PATJ: variants seen among roughly 807,000 people sequenced by gnomAD.
PATJ encodes the protein inaD-like protein.
Under a neutral mutation model 224.9 loss-of-function variants are expected in PATJ, and 190 were observed. That is an observed-to-expected ratio of 0.84 (90% confidence interval 0.75 to 0.95). The LOEUF is 0.95. Ranked by LOEUF, PATJ falls within the 40% of genes least tolerant of loss-of-function variation. The pLI is 0.00. For missense variants in PATJ, 2,121 were observed against 2,270.3 expected (o/e 0.93, Z 1.34); for synonymous variants, 769 against 820.3 (o/e 0.94, Z 1.07).
intron 39 of PATJ, among the ~76,000 whole-genome samples, chr1:62,125,253 AC>A (rs1207604582): frequency 0.037 from 3,772 of 101,290 alleles, 510 homozygotes; most frequent in African/African-American, 0.11. Context: ...AAAAAAAAAA[AC>A]AAAAAAAAAC....
chr1:61,844,486 A>G (rs2148851885), intron 17 of PATJ, among the ~76,000 whole-genome samples: 1 of 152,240 alleles, frequency 6.6e-6, no homozygotes, highest in South Asian at 2.1e-4. Context: ...TTCCCTTTCC[A>G]TGGCATCAAT....
chr1:61,775,177 T>C, intron 6 of PATJ, 29 bp from the exon 7 acceptor site: 1 of 1,598,742 alleles, frequency 6.3e-7, no homozygotes, highest in Non-Finnish European at 8.5e-7. Context: ...TTACTGATAC[T>C]GCGACTCTTA....
chr1:61,833,617 T>C (rs774984453), intron 16 of PATJ, 37 bp from the exon 17 acceptor site: 2 of 1,578,950 alleles, frequency 1.3e-6, no homozygotes, highest in East Asian at 2.3e-5. Context: ...ATTGAAAGCA[T>C]AGTGTTTTGA....
intron 20 of PATJ, among the ~76,000 whole-genome samples, chr1:61,871,555 ATATTTTTT>A (rs1298701288): frequency 6.5e-4 from 38 of 58,082 alleles, no homozygotes; most frequent in Admixed American, 2.4e-3. Flanking sequence ...ATATATATAT[ATATTTTTT>A]TTTTTTTTTT....
intron 33 of PATJ, among the ~76,000 whole-genome samples, chr1:62,087,391 G>T (rs547221943): frequency 2.2e-4 from 33 of 151,996 alleles, no homozygotes; most frequent in African/African-American, 7.5e-4. Flanking sequence ...GGGGCGGGGC[G>T]GGCCGTAGGT....
intron 27 of PATJ, among the ~76,000 whole-genome samples, chr1:61,986,760 A>G (rs1278847765): frequency 2.0e-5 from 3 of 152,186 alleles, no homozygotes; most frequent in Non-Finnish European, 4.4e-5. Flanking sequence ...TAAAGAGCCT[A>G]TCTTATTAAT....
chr1:62,127,059 A>C (rs1198998969), intron 39 of PATJ, among the ~76,000 whole-genome samples: 2 of 140,606 alleles, frequency 1.4e-5, no homozygotes, highest in Non-Finnish European at 2.9e-5. Context: ...TTATTCAGGA[A>C]TGGGAATATG....
intron 27 of PATJ, among the ~76,000 whole-genome samples, chr1:61,944,638 T>C (rs1180518617): frequency 2.6e-5 from 4 of 152,162 alleles, no homozygotes; most frequent in South Asian, 2.1e-4. Flanking sequence ...TGGAACCAAG[T>C]TGGAAAACAC....
At chr1:61,841,284 A>G (rs574283660) in intron 17 of PATJ, among the ~76,000 whole-genome samples, 19 of 152,192 alleles carry the variant, frequency 1.2e-4, no homozygotes, top group African/African-American at 4.3e-4. Context: ...TTACCAAGAG[A>G]TTTGAGAATT....
chr1:61,806,005 A>G (rs945551015), intron 13 of PATJ, among the ~76,000 whole-genome samples: 2 of 152,240 alleles, frequency 1.3e-5, no homozygotes, highest in Admixed American at 1.3e-4. Flanking sequence ...AAGAACAGGA[A>G]GTAATTTAGG....
chr1:61,931,745 C>T lies in PATJ; in HGVS notation c.3670+3916C>T, dbSNP rs1426391709. Among the ~76,000 whole-genome samples, 5 of 152,146 alleles carry T rather than the reference C, an allele frequency of 3.3e-5. No homozygotes were observed. The East Asian group carries it at 9.6e-4, about 29-fold the overall frequency. On this transcript the variant is annotated intron_variant, in intron 27 of 43. Coordinates refer to ENST00000642238, the MANE Select transcript of PATJ (RefSeq NM_001350145.3). ...TGCCACTGCACTCCAGGCTGAATGA[C>T]AGAGTGCGACTCTGTCTCAAAAATG...
In PATJ at chr1:62,133,579, G is replaced by A. The variant is rs371292010; in HGVS notation, c.5271+4634G>A. The stretch of plus-strand genomic sequence containing the variant: ...CTAGTCGAGAGTGAGACACCGTCTC[G>A]AGAAAAAAGAATAGAAAAGAACCAA... On this transcript the variant is annotated intron_variant, in intron 41 of 43. Coordinates refer to ENST00000642238, the MANE Select transcript of PATJ (RefSeq NM_001350145.3). Among the ~76,000 whole-genome samples the A allele has an allele frequency of 1.3e-3, 198 of 152,074 alleles. 1 individual carries two copies. The highest frequency in any genetic ancestry group is 4.6e-3 in the African/African-American group (192 of 41,522).
In PATJ at chr1:61,931,352, A is replaced by G. The variant is rs532974079; in HGVS notation, c.3670+3523A>G. On this transcript the variant is annotated intron_variant, in intron 27 of 43. Coordinates refer to ENST00000642238, the MANE Select transcript of PATJ (RefSeq NM_001350145.3). ...TAGTGATAAGGACTATGAATAAAAC[A>G]AAGTAATAAAATTTAAAAATTATGT... is the stretch of plus-strand genomic sequence containing the variant. Among the ~76,000 whole-genome samples, 8 of 152,372 alleles carry G rather than the reference A, an allele frequency of 5.3e-5. No homozygotes were observed. In the East Asian group the frequency reaches 1.5e-3, roughly 29 times the overall value.
intron 34 of PATJ, among the ~76,000 whole-genome samples, chr1:62,113,026 A>C (rs1199411790): frequency 6.6e-6 from 1 of 152,228 alleles, no homozygotes; most frequent in African/African-American, 2.4e-5. Context: ...TCAGAGAGTT[A>C]GTATAAGGAT....
chr1:61,867,688 A>G (rs1230360902), intron 20 of PATJ, among the ~76,000 whole-genome samples: 2 of 151,932 alleles, frequency 1.3e-5, no homozygotes, highest in Non-Finnish European at 1.5e-5. Flanking sequence ...TTGCCTAAAC[A>G]GTATTTTATT....
intron 24 of PATJ, among the ~76,000 whole-genome samples, chr1:61,902,442 G>A (rs1048045592): frequency 5.9e-5 from 9 of 151,862 alleles, no homozygotes; most frequent in African/African-American, 1.7e-4. Context: ...GGTTGGAGTC[G>A]GAGTCTGTCC....
chr1:62,014,245 G>A lies in PATJ; in HGVS notation c.3868-3611G>A, dbSNP rs6679468. On this transcript the variant is annotated intron_variant, in intron 28 of 43. Coordinates refer to ENST00000642238, the MANE Select transcript of PATJ (RefSeq NM_001350145.3). ...GTTAACTTTTTATTATTTTTTTGTA[G>A]AGACAGGGTCTTTCTGTGTTGCCCA... 9.3e-3 allele frequency among the ~76,000 whole-genome samples: 1,415 copies of A among 151,944 alleles called. 22 individuals carry two copies. Among genetic ancestry groups the A allele is most frequent in the African/African-American group, 0.032 (1,313 of 41,428 alleles).
intron 6 of PATJ, among the ~76,000 whole-genome samples, chr1:61,773,031 C>T (rs1570398954): frequency 6.6e-6 from 1 of 151,798 alleles, no homozygotes; most frequent in African/African-American, 2.4e-5. Context: ...CCCAATATTG[C>T]TTTTTTTTGA....
intron 22 of PATJ, among the ~76,000 whole-genome samples, chr1:61,895,311 G>T (rs1215816564): frequency 6.6e-6 from 1 of 152,226 alleles, no homozygotes; most frequent in Non-Finnish European, 1.5e-5. Context: ...AGCCAAGACG[G>T]GGAAAATATC....
Sources: allele counts gnomAD v4.1 joint callset (sites outside exome capture counted in the v4.1 genomes callset), GRCh38; gene constraint gnomAD v4.1.1; transcripts MANE v1.5; gene names NCBI Gene and HGNC (gene_info 2026-07-23, HGNC 2026-07-21).